The following PHF21B variants were observed in gnomAD, a reference collection of about 807,000 sequenced individuals.
The protein encoded by PHF21B is PHD finger protein 4.
A neutral mutation model predicts 62.2 loss-of-function variants in PHF21B; 22 were observed. The observed-to-expected ratio is 0.35, with a 90% confidence interval of 0.25 to 0.51. The LOEUF is 0.51. PHF21B is among the 20% of genes least tolerant of loss of function. The pLI is 0.97. For synonymous variants in PHF21B, 341 were observed against 314.7 expected, an observed-to-expected ratio of 1.08 and a Z score of -0.88; for missense variants, 701 against 707.9, an observed-to-expected ratio of 0.99 and a Z score of 0.11.
At position 45,000,858 on chromosome 22, in the gene PHF21B, T is replaced by A. The variant is rs1279234885; in HGVS notation, c.120+7687A>T. 3 of 152,266 alleles carry A rather than the reference T, an allele frequency of 2.0e-5. No homozygotes were observed. In the South Asian group the frequency reaches 6.2e-4, roughly 32 times the overall value. The allele number at this position is 152,266 out of a possible 1,614,324, so 9.4% of individuals were successfully genotyped here. On this transcript the variant is annotated intron_variant, in intron 2 of 12. Transcript: ENST00000313237. ...GGTTCAAGTCAACCCTCATCTCTAGTGACAGACCCACGTTTAACACCTTCA... is the reference window on the plus strand; with the variant it reads ...GGTTCAAGTCAACCCTCATCTCTAGAGACAGACCCACGTTTAACACCTTCA...
At chr22:44,956,817 C>T (rs1344485958) in intron 2 of PHF21B, among the ~76,000 whole-genome samples, 3 of 152,234 alleles carry the variant, frequency 2.0e-5, no homozygotes. Flanking sequence ...GGCCCCTCCA[C>T]GCGGTGGGCT....
chr22:44,925,367 T>A (rs2071608875), intron 2 of PHF21B, among the ~76,000 whole-genome samples: 1 of 152,188 alleles, frequency 6.6e-6, no homozygotes, highest in Non-Finnish European at 1.5e-5. Context: ...CTAGAATGAA[T>A]ATCATCCATC....
chr22:44,928,146 G>T (rs930052052), intron 2 of PHF21B, among the ~76,000 whole-genome samples: 1 of 152,156 alleles, frequency 6.6e-6, no homozygotes, highest in Admixed American at 6.5e-5. Context: ...TGCCAGGGCA[G>T]AGGGGTTCCA....
rs558380858 is a variant in PHF21B, at chr22:44,888,119, G to C, written c.1041C>G (p.Asn347Lys). Residue 347 changes from asparagine (N) to lysine (K), a missense_variant and splice_region_variant, in exon 10 of 13, where the codon AAC becomes AAG. Asn to Lys is a moderately conservative substitution (Grantham distance 94, BLOSUM62 0). Coordinates refer to ENST00000313237, the MANE Select transcript of PHF21B (RefSeq NM_138415.5). ...ARANEDPCWK[N>K]EITHDEHCAA... ...CACAGTGCTCATCGTGGGTGATCTC[G>C]TTCTGGAAGAGAAGGGAGGGCAGGA... is the stretch of plus-strand genomic sequence containing the variant. 4.6e-6 allele frequency: 7 copies of C among 1,523,322 alleles called. No individual in the cohort carries two copies. Among genetic ancestry groups the C allele is most frequent in the Non-Finnish European group, 6.2e-6 (7 of 1,132,584 alleles). The allele number at this position is 1,523,322 out of a possible 1,614,324, so 94.4% of individuals were successfully genotyped here.
chr22:44,981,254 G>A (rs886795922), intron 2 of PHF21B, among the ~76,000 whole-genome samples: 1 of 152,178 alleles, frequency 6.6e-6, no homozygotes, highest in Non-Finnish European at 1.5e-5. Context: ...TGCCCTAACT[G>A]AGCGGCATGA....
chr22:44,939,051 G>A (rs1262610071), intron 2 of PHF21B, among the ~76,000 whole-genome samples: 1 of 152,244 alleles, frequency 6.6e-6, no homozygotes, highest in African/African-American at 2.4e-5. Flanking sequence ...GCTCAGAGCC[G>A]GCACCGACCA....
At chr22:44,898,597 G>C (rs2071101280) in intron 5 of PHF21B, among the ~76,000 whole-genome samples, 1 of 152,142 alleles carries the variant, frequency 6.6e-6, no homozygotes, top group Non-Finnish European at 1.5e-5. Flanking sequence ...TTTAAAAAGA[G>C]TATCGATTTT....
chr22:44,927,231 C>T (rs1244052333), intron 2 of PHF21B, among the ~76,000 whole-genome samples: 3 of 151,252 alleles, frequency 2.0e-5, no homozygotes, highest in Non-Finnish European at 3.0e-5. Context: ...CCTGGGGAAA[C>T]GTCCACACCC....
intron 5 of PHF21B, among the ~76,000 whole-genome samples, chr22:44,899,139 A>AC (rs1456800027): frequency 6.6e-6 from 1 of 152,170 alleles, no homozygotes; most frequent in African/African-American, 2.4e-5. Flanking sequence ...AAATTTAGAA[A>AC]CCATCTTAGG....
At chr22:45,008,878 T>C (rs2073375294) in intron 1 of PHF21B, 4 of 1,168,828 alleles carry the variant, frequency 3.4e-6, no homozygotes, top group Non-Finnish European at 4.2e-6. Flanking sequence ...CCGTGCAAGT[T>C]TGCAGGCCGG....
intron 2 of PHF21B, among the ~76,000 whole-genome samples, chr22:44,930,577 A>C (rs1027997572): frequency 1.1e-4 from 16 of 152,104 alleles, no homozygotes; most frequent in African/African-American, 3.6e-4. Context: ...TGGGAGGGGC[A>C]GAGGCACCAG....
intron 6 of PHF21B, among the ~76,000 whole-genome samples, chr22:44,894,030 G>A (rs1404566053): frequency 6.6e-6 from 1 of 152,302 alleles, no homozygotes; most frequent in African/African-American, 2.4e-5. Context: ...CCACACTGAC[G>A]GTGTTTTCTT....
chr22:44,980,949 G>C (rs530531746), intron 2 of PHF21B, among the ~76,000 whole-genome samples: 1 of 152,328 alleles, frequency 6.6e-6, no homozygotes, highest in East Asian at 1.9e-4. Context: ...ATTTAGACTT[G>C]CTAATCAAAT....
chr22:44,925,808 C>T (rs1356218660), intron 2 of PHF21B, among the ~76,000 whole-genome samples: 1 of 152,172 alleles, frequency 6.6e-6, no homozygotes, highest in East Asian at 1.9e-4. Flanking sequence ...AACTCCACGA[C>T]CAGTGTTCCC....
chr22:44,982,025 G>A lies in PHF21B; in HGVS notation c.120+26520C>T, dbSNP rs111439989. Among the ~76,000 whole-genome samples, 58 of 152,318 alleles carry A rather than the reference G, an allele frequency of 3.8e-4. 1 individual carries two copies. The highest frequency in any genetic ancestry group is 3.3e-4 in the Admixed American group (5 of 15,294). On this transcript the variant is annotated intron_variant, in intron 2 of 12. Coordinates refer to ENST00000313237, the MANE Select transcript of PHF21B (RefSeq NM_138415.5). Reference sequence around the variant, plus strand: ...TGCCTCCCGTTGCCTTGGCAAATGCGGTTTCCCCATCACCCACCAGCCCCG... The same window carrying A: ...TGCCTCCCGTTGCCTTGGCAAATGCAGTTTCCCCATCACCCACCAGCCCCG...
intron 2 of PHF21B, among the ~76,000 whole-genome samples, chr22:44,968,352 C>A (rs1390874933): frequency 6.6e-6 from 1 of 152,112 alleles, no homozygotes; most frequent in Non-Finnish European, 1.5e-5. Context: ...ATCCGAAATG[C>A]TTGGGATAAG....
chr22:44,982,050 G>A (rs1259349599), intron 2 of PHF21B, among the ~76,000 whole-genome samples: 2 of 152,354 alleles, frequency 1.3e-5, no homozygotes, highest in East Asian at 1.9e-4. Flanking sequence ...CACCAGCCCC[G>A]AGGGAACGGG....
intron 2 of PHF21B, among the ~76,000 whole-genome samples, chr22:44,973,007 T>C (rs2072668830): frequency 6.6e-6 from 1 of 152,236 alleles, no homozygotes; most frequent in African/African-American, 2.4e-5. Context: ...ACCAGGTGAC[T>C]GTCACTTTAA....
intron 5 of PHF21B, among the ~76,000 whole-genome samples, chr22:44,912,132 T>G (rs2071354159): frequency 6.6e-6 from 1 of 152,270 alleles, no homozygotes; most frequent in Admixed American, 6.5e-5. Context: ...TGGCTGTATT[T>G]ACCCAATGCC....
Sources: gnomAD v4.1 joint callset for allele counts (sites outside exome capture counted in the v4.1 genomes callset) on GRCh38, gnomAD v4.1.1 for gene constraint, MANE v1.5 for transcripts, NCBI Gene and HGNC (gene_info 2026-07-23, HGNC 2026-07-21) for gene names.